KIAA1549L: variants seen among roughly 807,000 people sequenced by gnomAD.
The protein encoded by KIAA1549L is KIAA1549 like, also known as UPF0606 protein KIAA1549L.
A neutral mutation model predicts 160.7 loss-of-function variants in KIAA1549L; 88 were observed. The ratio of observed to expected loss-of-function variants is 0.55; its 90% CI spans 0.46 to 0.65. The LOEUF is 0.65. Among genes scored for constraint, KIAA1549L ranks in the 30% least tolerant of loss-of-function variants. The probability of loss-of-function intolerance (pLI) is 0.00; values close to 1 mark genes in which losing one functional copy is unlikely to be tolerated. For missense variants in KIAA1549L, 2,258 were observed against 2,437.5 expected (o/e 0.93, Z 1.55); for synonymous variants, 950 against 976.7 (o/e 0.97, Z 0.51).
chr11:33,446,568 G>A (rs1008303913), intron 1 of KIAA1549L, among the ~76,000 whole-genome samples: 1 of 152,160 alleles, frequency 6.6e-6, no homozygotes, highest in Non-Finnish European at 1.5e-5. Context: ...TTCAGGATCA[G>A]CTTGGCCACG....
chr11:33,668,327 G>C lies in KIAA1549L; in HGVS notation c.*173G>C. 2 of 652,112 alleles carry C rather than the reference G, an allele frequency of 3.1e-6. No individual in the cohort carries two copies. The highest frequency in any genetic ancestry group is 2.6e-6 in the Non-Finnish European group (1 of 385,854). The allele number at this position is 652,112 out of a possible 1,614,324, so 40.4% of individuals were successfully genotyped here. A position where few individuals can be genotyped will look rare whatever the true frequency, so the allele number is the denominator to read the frequency against. ...GGAACAGGAAACTCTTGAACGACTAGATTCTTGGCTCATCCAACTGATTGT... is the reference window on the plus strand; with the variant it reads ...GGAACAGGAAACTCTTGAACGACTACATTCTTGGCTCATCCAACTGATTGT... On this transcript the variant is annotated 3_prime_UTR_variant, in exon 21 of 21. Coordinates refer to ENST00000658780, the MANE Select transcript of KIAA1549L (RefSeq NM_012194.3).
rs561229169 is a variant in KIAA1549L, at chr11:33,495,417, A to T, written c.239-46385A>T. 4.4e-3 allele frequency among the ~76,000 whole-genome samples: 672 copies of T among 151,750 alleles called. 9 individuals are homozygous for T. The highest frequency in any genetic ancestry group is 0.015 in the African/African-American group (639 of 41,284). ...TTGCAATAGTTTACTGAGAATGATGATTTCCAATTTCATCCATGTCCCTAC... is the reference window on the plus strand; with the variant it reads ...TTGCAATAGTTTACTGAGAATGATGTTTTCCAATTTCATCCATGTCCCTAC... On this transcript the variant is annotated intron_variant, in intron 1 of 20. Transcript: ENST00000658780.
At chr11:33,663,282 A>T (rs2133452236) in intron 20 of KIAA1549L, among the ~76,000 whole-genome samples, 1 of 152,276 alleles carries the variant, frequency 6.6e-6, no homozygotes, top group African/African-American at 2.4e-5. Flanking sequence ...ATGGAGAAGG[A>T]TTGGGAGGGG....
chr11:33,630,420 G>T (rs1341676046), intron 16 of KIAA1549L, among the ~76,000 whole-genome samples: 1 of 152,272 alleles, frequency 6.6e-6, no homozygotes. Context: ...TGCTGTGCTA[G>T]CAATCAGCGA....
intron 1 of KIAA1549L, among the ~76,000 whole-genome samples, chr11:33,397,710 T>TCTCACACA (rs1445496950): frequency 4.2e-5 from 6 of 142,944 alleles, no homozygotes; most frequent in African/African-American, 1.6e-4. Context: ...AGACTCCATC[T>TCTCACACA]CACACACACA....
chr11:33,633,971 A>T (rs1272018763), intron 16 of KIAA1549L, among the ~76,000 whole-genome samples: 1 of 151,944 alleles, frequency 6.6e-6, no homozygotes, highest in African/African-American at 2.4e-5. Context: ...AGCTATTATA[A>T]CTCCCCAGGA....
chr11:33,654,914 A>G (rs796829655), intron 17 of KIAA1549L, among the ~76,000 whole-genome samples: 14 of 152,302 alleles, frequency 9.2e-5, no homozygotes, highest in African/African-American at 3.1e-4. Flanking sequence ...AGAAGACTTC[A>G]TTATTCAGTT....
At chr11:33,535,394 T>C (rs1853870574) in intron 1 of KIAA1549L, among the ~76,000 whole-genome samples, 1 of 152,108 alleles carries the variant, frequency 6.6e-6, no homozygotes, top group Non-Finnish European at 1.5e-5. Flanking sequence ...ACAGGTTGGC[T>C]GGGCATGGTG....
intron 16 of KIAA1549L, among the ~76,000 whole-genome samples, chr11:33,631,067 G>C (rs1334852040): frequency 6.6e-6 from 1 of 152,186 alleles, no homozygotes; most frequent in African/African-American, 2.4e-5. Flanking sequence ...GTTCCTTCCT[G>C]TCTGTCCCAC....
intron 16 of KIAA1549L, among the ~76,000 whole-genome samples, chr11:33,643,515 G>A (rs1291116156): frequency 6.6e-6 from 1 of 152,214 alleles, no homozygotes; most frequent in Non-Finnish European, 1.5e-5. Flanking sequence ...TCACCCCTGT[G>A]CTGTTAATCT....
intron 1 of KIAA1549L, among the ~76,000 whole-genome samples, chr11:33,396,340 A>T (rs1850372929): frequency 6.6e-6 from 1 of 151,776 alleles, no homozygotes; most frequent in African/African-American, 2.4e-5. Context: ...CCATGAGAAG[A>T]TTGAAAACTA....
At chr11:33,404,601 T>G (rs547340435) in intron 1 of KIAA1549L, among the ~76,000 whole-genome samples, 34 of 150,968 alleles carry the variant, frequency 2.3e-4, no homozygotes, top group South Asian at 1.3e-3. Flanking sequence ...TGGAAAAAAA[T>G]AAAAAGAAAA....
At chr11:33,381,049 C>T (rs1850065831) in intron 1 of KIAA1549L, among the ~76,000 whole-genome samples, 1 of 151,918 alleles carries the variant, frequency 6.6e-6, no homozygotes, top group African/African-American at 2.4e-5. Context: ...ACCGTTACCT[C>T]AGAATATTGA....
At chr11:33,601,901 T>TA (rs1850376875) in intron 13 of KIAA1549L, among the ~76,000 whole-genome samples, 2 of 152,244 alleles carry the variant, frequency 1.3e-5, no homozygotes, top group African/African-American at 4.8e-5. Flanking sequence ...TAATGATGCT[T>TA]ACATGTAAGT....
chr11:33,395,663 G>C (rs954775312), intron 1 of KIAA1549L, among the ~76,000 whole-genome samples: 1 of 152,062 alleles, frequency 6.6e-6, no homozygotes, highest in Non-Finnish European at 1.5e-5. Flanking sequence ...CTGACTGCTA[G>C]GGTGAAAAAA....
intron 1 of KIAA1549L, among the ~76,000 whole-genome samples, chr11:33,474,173 C>T (rs1483281816): frequency 6.6e-6 from 1 of 152,218 alleles, no homozygotes; most frequent in African/African-American, 2.4e-5. Context: ...ATGACCAAAA[C>T]ACCTCCCACC....
At chr11:33,560,822 C>T (rs1020091519) in intron 7 of KIAA1549L, among the ~76,000 whole-genome samples, 2 of 152,126 alleles carry the variant, frequency 1.3e-5, no homozygotes, top group African/African-American at 2.4e-5. Flanking sequence ...TAGCACATGG[C>T]AGCCACTCAG....
At position 33,547,890 on chromosome 11, in the gene KIAA1549L, T is replaced by C. The variant is rs1457387908; in HGVS notation, c.3501+11T>C. On this transcript the variant is annotated intron_variant, in intron 4 of 20. Transcript: ENST00000658780. ...GATGTCTCAGCTCACGTAAGTGCTT[T>C]GCTTTGTAACCAAGCTAATCCATCA... 2 of 1,566,046 alleles carry C rather than the reference T, an allele frequency of 1.3e-6. No homozygotes were observed. The highest frequency in any genetic ancestry group is 2.2e-5 in the East Asian group (1 of 44,540).
At chr11:33,633,548 G>C (rs1851359847) in intron 16 of KIAA1549L, among the ~76,000 whole-genome samples, 1 of 152,078 alleles carries the variant, frequency 6.6e-6, no homozygotes, top group African/African-American at 2.4e-5. Context: ...TAACTCACGG[G>C]AGAGATCCTC....
Sources: allele counts gnomAD v4.1 joint callset (sites outside exome capture counted in the v4.1 genomes callset), GRCh38; gene constraint gnomAD v4.1.1; transcripts MANE v1.5; gene names NCBI Gene and HGNC (gene_info 2026-07-23, HGNC 2026-07-21).